ZFYVE9: variants seen among roughly 807,000 people sequenced by gnomAD.
The protein encoded by ZFYVE9 is zinc finger FYVE-type containing 9.
A neutral mutation model predicts 126.7 loss-of-function variants in ZFYVE9; 43 were observed. That is an observed-to-expected ratio of 0.34 (90% CI 0.27 to 0.44). ZFYVE9 has a LOEUF of 0.44. ZFYVE9 is among the 20% of genes least tolerant of loss of function. ZFYVE9 has a pLI of 1.00. For missense variants in ZFYVE9, 1,476 were observed against 1,697.0 expected, an observed-to-expected ratio of 0.87 and a Z score of 2.29; for synonymous variants, 521 against 597.4, an observed-to-expected ratio of 0.87 and a Z score of 1.87.
intron 11 of ZFYVE9, 150 bp downstream of exon 11, chr1:52,293,827 A>G (rs1645948359): frequency 2.9e-6 from 2 of 694,256 alleles, no homozygotes; most frequent in South Asian, 3.9e-5. Flanking sequence ...TATTGGGCAT[A>G]ATGGGAAGCA....
In ZFYVE9 at chr1:52,278,542, G is replaced by A; in HGVS notation, c.2797G>A (p.Glu933Lys). ...ACAGATTTCAGTAATGCAGCAGTTG[G>A]AGGATGGTGGCCCTGACCCACTTGT... ...PSQISVMQQL[E>K]DGGPDPLVFV... is the part of the protein sequence containing the mutation. The change falls in exon 9 of 19, where the codon GAG becomes AAG. Residue 933 changes from glutamate to lysine, a missense_variant. Physicochemically the swap from Glu to Lys is moderately conservative, Grantham distance 56 (BLOSUM62 1). This residue lies in a region of ZFYVE9 where 669 missense variants were observed against 902.4 expected (regional missense o/e 0.74). Coordinates refer to ENST00000287727, the MANE Select transcript of ZFYVE9 (RefSeq NM_004799.4). 1.2e-6 allele frequency: 2 copies of A among 1,613,812 alleles called. No homozygotes were observed. Among genetic ancestry groups the A allele is most frequent in the South Asian group, 2.2e-5 (2 of 91,028 alleles).
chr1:52,226,409 G>C (rs1371026853), intron 2 of ZFYVE9, among the ~76,000 whole-genome samples: 1 of 152,132 alleles, frequency 6.6e-6, no homozygotes, highest in Non-Finnish European at 1.5e-5. Context: ...GGTGGCACAA[G>C]CCTGTAATCC....
Position 52,298,871 on chromosome 1 carries a change from G to A in ZFYVE9, c.3333+2894G>A, listed in dbSNP as rs574693757. Among the ~76,000 whole-genome samples the A allele has an allele frequency of 1.4e-4, 20 of 147,360 alleles. No homozygotes were observed. In the South Asian group the frequency reaches 2.2e-3, roughly 16 times the overall value. On this transcript the variant is annotated intron_variant, in intron 12 of 18. Coordinates refer to ENST00000287727, the MANE Select transcript of ZFYVE9 (RefSeq NM_004799.4). ...GTTACCCAGGCTGGAGTGCAGTGGC[G>A]CAATTTCGGCTCACTGCAAGCTCCG...
Position 52,340,243 on chromosome 1 carries a change from A to G in ZFYVE9, c.3939+12A>G. The G allele has an allele frequency of 6.2e-7, 1 of 1,607,294 alleles. No homozygotes were observed. The highest frequency in any genetic ancestry group is 8.5e-7 in the Non-Finnish European group (1 of 1,174,422). On this transcript the variant is annotated intron_variant, in intron 17 of 18. Transcript: ENST00000287727. ...TCAGATGGACAGAGGTAAGGAAATG[A>G]AACTTGGCATACTTGACCCACTTTG...
At chr1:52,198,120 G>T (rs12738383) in intron 1 of ZFYVE9, among the ~76,000 whole-genome samples, 3,024 of 110,808 alleles carry the variant, frequency 0.027, 247 homozygotes, top group African/African-American at 0.094. Context: ...GTTTTTTTTT[G>T]TTTGTTTTTT....
At position 52,344,922 on chromosome 1, in the gene ZFYVE9, G is replaced by A; in HGVS notation, c.4094G>A (p.Arg1365His). The stretch of plus-strand genomic sequence containing the variant: ...GATGGAATGACCAAACTGGGACTAC[G>A]TGTGACACTTGACTCAGATCAGGTA... ...KEDGMTKLGL[R>H]VTLDSDQVGY... Residue 1365 changes from arginine to histidine, a missense_variant, in exon 18 of 19, where the codon CGT becomes CAT. By Grantham distance (29) the Arg-to-His change is conservative (BLOSUM62 0). This residue lies in a region of ZFYVE9 where 669 missense variants were observed against 902.4 expected (regional missense o/e 0.74). Coordinates refer to ENST00000287727, the MANE Select transcript of ZFYVE9 (RefSeq NM_004799.4). 3 of 1,614,164 alleles carry A rather than the reference G, an allele frequency of 1.9e-6. No homozygotes were observed. Among genetic ancestry groups the A allele is most frequent in the Non-Finnish European group, 1.7e-6 (2 of 1,180,034 alleles).
intron 4 of ZFYVE9, chr1:52,253,985 T>C: frequency 2.5e-6 from 2 of 793,698 alleles, no homozygotes; most frequent in East Asian, 2.4e-5. Flanking sequence ...TGGATTCATA[T>C]TCCCTTAACT....
chr1:52,247,768 A>G (rs763495899), intron 4 of ZFYVE9, among the ~76,000 whole-genome samples: 19 of 152,110 alleles, frequency 1.2e-4, no homozygotes, highest in Non-Finnish European at 1.5e-5. Context: ...AAGTGCTGGG[A>G]TTACAGGTGT....
chr1:52,316,519 A>G (rs1646187204), intron 13 of ZFYVE9, among the ~76,000 whole-genome samples: 1 of 152,082 alleles, frequency 6.6e-6, no homozygotes, highest in African/African-American at 2.4e-5. Context: ...TAGAAAAGAT[A>G]GCATAGTAAT....
intron 7 of ZFYVE9, among the ~76,000 whole-genome samples, chr1:52,273,802 G>C (rs987845800): frequency 3.0e-5 from 4 of 133,246 alleles, no homozygotes; most frequent in African/African-American, 5.9e-5. Flanking sequence ...CTGGGCGATA[G>C]AGTGAGACTC....
intron 3 of ZFYVE9, among the ~76,000 whole-genome samples, chr1:52,234,721 C>A (rs1196978415): frequency 6.6e-6 from 1 of 152,190 alleles, no homozygotes. Context: ...TAGGCTCATT[C>A]CTGGTTCATG....
intron 13 of ZFYVE9, among the ~76,000 whole-genome samples, chr1:52,330,570 C>G (rs1337972779): frequency 7.2e-5 from 11 of 152,182 alleles, no homozygotes; most frequent in Admixed American, 7.2e-4. Context: ...ATTTGTAAAA[C>G]TGTCATGCAT....
intron 13 of ZFYVE9, among the ~76,000 whole-genome samples, chr1:52,309,931 A>C (rs1646122432): frequency 6.6e-6 from 1 of 152,168 alleles, no homozygotes. Flanking sequence ...AAGGCCATTA[A>C]AGATCCTTGT....
chr1:52,203,566 A>G (rs12062161), intron 1 of ZFYVE9, among the ~76,000 whole-genome samples: 9 of 137,028 alleles, frequency 6.6e-5, no homozygotes, highest in African/African-American at 2.4e-4. Flanking sequence ...GGCATTTTTC[A>G]TGCTTGGTGT....
intron 4 of ZFYVE9, among the ~76,000 whole-genome samples, chr1:52,258,471 T>A (rs916738596): frequency 5.6e-5 from 8 of 141,642 alleles, no homozygotes; most frequent in Admixed American, 1.4e-4. Context: ...CATCTTGCTA[T>A]GCCCAGGACA....
intron 1 of ZFYVE9, chr1:52,162,694 T>TGCCA (rs1191788830): frequency 2.0e-5 from 6 of 295,130 alleles, no homozygotes; most frequent in Non-Finnish European, 4.1e-5. Context: ...TTTGCCCTTC[T>TGCCA]GCCAGTGTGT....
intron 8 of ZFYVE9, among the ~76,000 whole-genome samples, chr1:52,277,542 T>C (rs1645759973): frequency 6.6e-6 from 1 of 152,150 alleles, no homozygotes; most frequent in African/African-American, 2.4e-5. Flanking sequence ...CTCTTTCCAA[T>C]AAATATTTTT....
At position 52,173,098 on chromosome 1, in the gene ZFYVE9, T is replaced by C. The variant is rs1326161135; in HGVS notation, c.-143+30695T>C. Among the ~76,000 whole-genome samples, 531 of 151,996 alleles carry C rather than the reference T, an allele frequency of 3.5e-3. 2 individuals carry two copies. The highest frequency in any genetic ancestry group is 0.012 in the African/African-American group (508 of 41,442). On this transcript the variant is annotated intron_variant, in intron 1 of 18. Transcript: ENST00000287727. ...TTGTGCCAGTTTTCAAAGGGAATGC[T>C]TCCAGTTTTTGCCCATTCAGTATGA...
At chr1:52,233,356 A>C (rs1471721514) in intron 3 of ZFYVE9, 80 bp downstream of exon 3, 5 of 1,001,228 alleles carry the variant, frequency 5.0e-6, no homozygotes, top group African/African-American at 1.7e-5. Context: ...GTATTTAAAA[A>C]AATAAAATCA....
Sources: allele counts gnomAD v4.1 joint callset (sites outside exome capture counted in the v4.1 genomes callset), GRCh38; gene constraint gnomAD v4.1.1; regional missense constraint gnomAD v4.1.1; transcripts MANE v1.5; gene names NCBI Gene and HGNC (gene_info 2026-07-23, HGNC 2026-07-21).